Variants in MAP3K7 observed in about 807,000 individuals in gnomAD.
MAP3K7 encodes the protein mitogen-activated protein kinase kinase kinase 7.
A neutral mutation model predicts 84.8 loss-of-function variants in MAP3K7; 21 were observed. The ratio of observed to expected loss-of-function variants is 0.25; its 90% CI spans 0.18 to 0.36. The LOEUF (loss-of-function observed/expected upper bound fraction) is 0.36. MAP3K7 is among the 10% of genes least tolerant of loss of function. The probability of loss-of-function intolerance (pLI) is 1.00; values close to 1 mark genes in which losing one functional copy is unlikely to be tolerated. For missense variants in MAP3K7, 503 were observed against 747.7 expected, an observed-to-expected ratio of 0.67 and a Z score of 3.82; for synonymous variants, 241 against 247.7, an observed-to-expected ratio of 0.97 and a Z score of 0.25.
At position 90,552,128 on chromosome 6, in the gene MAP3K7, A is replaced by T. The variant is rs754695346; in HGVS notation, c.788T>A (p.Met263Lys). The change falls in exon 8 of 17, where the codon ATG becomes AAG. Residue 263 changes from methionine to lysine, a missense_variant. Coordinates refer to ENST00000369329, the MANE Select transcript of MAP3K7 (RefSeq NM_145331.3). The part of the protein sequence containing the change: ...KNLPKPIESL[M>K]TRCWSKDPSQ... ...AGGATCTTTAGACCAACAACGAGTC[A>T]TCAGGCTCTCAATGGGCTTAGGTAA... 3 of 1,613,134 alleles carry T rather than the reference A, an allele frequency of 1.9e-6. No homozygotes were observed. The Admixed American group carries it at 5.0e-5, about 27-fold the overall frequency.
chr6:90,557,283 G>A (rs1044167207), intron 5 of MAP3K7, among the ~76,000 whole-genome samples: 14 of 152,062 alleles, frequency 9.2e-5, no homozygotes, highest in Non-Finnish European at 1.5e-4. Context: ...TACTTACAAG[G>A]TTTTGCTTTT....
At chr6:90,572,915 C>T (rs1416591778) in intron 1 of MAP3K7, among the ~76,000 whole-genome samples, 2 of 152,144 alleles carry the variant, frequency 1.3e-5, no homozygotes, top group Admixed American at 1.3e-4. Context: ...CTTAGTTAAG[C>T]ACCACCTACT....
rs1320271362 is a variant in MAP3K7, at chr6:90,571,757, T to G, written c.171A>C (p.Ala57=). The G allele has an allele frequency of 6.2e-7, 1 of 1,607,484 alleles. No homozygotes were observed. Among genetic ancestry groups the G allele is most frequent in the Non-Finnish European group, 8.5e-7 (1 of 1,177,220 alleles). ...CTATTTGTTTAATAGCAACATCTTT[T>G]GCTCTCCACTTAGCTTTGCAAACAA... The part of the protein sequence containing the change: ...FGVVCKAKWR[A]KDVAIKQIES... The change falls in exon 2 of 17, where the codon GCA becomes GCC. Residue 57 remains alanine (A), a synonymous_variant. Transcript: ENST00000369329.
At chr6:90,565,469 T>C (rs1334938811) in intron 3 of MAP3K7, among the ~76,000 whole-genome samples, 1 of 151,890 alleles carries the variant, frequency 6.6e-6, no homozygotes, top group Non-Finnish European at 1.5e-5. Context: ...CTAGAAGAAA[T>C]GGATAAATTA....
At chr6:90,576,849 G>A (rs1777100858) in intron 1 of MAP3K7, among the ~76,000 whole-genome samples, 1 of 152,166 alleles carries the variant, frequency 6.6e-6, no homozygotes, top group African/African-American at 2.4e-5. Flanking sequence ...AGTGGAGGAA[G>A]GGAAGAGTGA....
intron 1 of MAP3K7, among the ~76,000 whole-genome samples, chr6:90,579,551 T>C (rs1249438873): frequency 1.3e-5 from 2 of 152,232 alleles, no homozygotes; most frequent in East Asian, 3.8e-4. Context: ...AAACTGCCTT[T>C]GAGACTAAGG....
intron 13 of MAP3K7, among the ~76,000 whole-genome samples, chr6:90,525,780 T>C (rs1431207167): frequency 2.0e-5 from 3 of 152,010 alleles, no homozygotes; most frequent in Admixed American, 6.6e-5. Flanking sequence ...GTTCCCAGGC[T>C]GGTCTCTACC....
intron 1 of MAP3K7, among the ~76,000 whole-genome samples, chr6:90,583,601 T>C (rs1455402594): frequency 2.0e-5 from 3 of 152,218 alleles, no homozygotes; most frequent in Admixed American, 2.0e-4. Flanking sequence ...AAAACATGAA[T>C]GTGTTTTCAT....
At chr6:90,567,760 A>C (rs1406698621) in intron 3 of MAP3K7, among the ~76,000 whole-genome samples, 1 of 152,244 alleles carries the variant, frequency 6.6e-6, no homozygotes. Flanking sequence ...AGACACATGG[A>C]CACGTATGTT....
At chr6:90,550,679 C>CGTA in intron 8 of MAP3K7, 130 bp from the exon 9 acceptor site, 1 of 560,466 alleles carries the variant, frequency 1.8e-6, no homozygotes, top group South Asian at 2.5e-5. Context: ...ACAAAGATTA[C>CGTA]AATAATGTAC....
chr6:90,581,163 A>C (rs1777257596), intron 1 of MAP3K7, among the ~76,000 whole-genome samples: 1 of 152,232 alleles, frequency 6.6e-6, no homozygotes. Context: ...CCTTCAGACA[A>C]GTCATGTTAA....
In MAP3K7 at chr6:90,529,948, T is replaced by C. The variant is rs183094120; in HGVS notation, c.1357-6165A>G. 2.0e-5 allele frequency among the ~76,000 whole-genome samples: 3 copies of C among 152,332 alleles called. No homozygotes were observed. In the East Asian group the frequency reaches 5.8e-4, roughly 29 times the overall value. On this transcript the variant is annotated intron_variant, in intron 13 of 16. Transcript: ENST00000369329. ...TCAGATACAAGATTGGTGCTTAAGC[T>C]TATTTACCTTTAGTATATAAGAATA... is the stretch of plus-strand genomic sequence containing the variant.
intron 12 of MAP3K7, among the ~76,000 whole-genome samples, chr6:90,539,799 T>G (rs533074123): frequency 6.6e-6 from 1 of 151,910 alleles, no homozygotes; most frequent in East Asian, 1.9e-4. Context: ...ATACCTGACA[T>G]TTGAAACTTC....
rs34772840 is a variant in MAP3K7, at chr6:90,553,895, T to C, written c.608-309A>G. Among the ~76,000 whole-genome samples, 3,120 of 152,292 alleles carry C rather than the reference T, an allele frequency of 0.02. 115 individuals carry two copies. The highest frequency in any genetic ancestry group is 0.071 in the African/African-American group (2,969 of 41,550). ...TTTATGTATTTAGACTGATACTTTC[T>C]CTGGGGCAGAGTATGAAACATCTGT... On this transcript the variant is annotated intron_variant, in intron 6 of 16. Transcript: ENST00000369329.
chr6:90,584,769 T>C (rs926250028), intron 1 of MAP3K7, among the ~76,000 whole-genome samples: 1 of 152,180 alleles, frequency 6.6e-6, no homozygotes, highest in East Asian at 1.9e-4. Context: ...ATATAACAAT[T>C]TGTAGTCTAC....
intron 4 of MAP3K7, among the ~76,000 whole-genome samples, chr6:90,561,304 G>C (rs1415423288): frequency 6.6e-6 from 1 of 151,274 alleles, no homozygotes; most frequent in Non-Finnish European, 1.5e-5. Flanking sequence ...AAATGAGGAG[G>C]CTCAAAGTTA....
At chr6:90,547,073 C>T (rs183969276) in intron 11 of MAP3K7, among the ~76,000 whole-genome samples, 185 bp downstream of exon 11, 20 of 152,166 alleles carry the variant, frequency 1.3e-4, no homozygotes, top group East Asian at 9.7e-4. Flanking sequence ...GTCATACCTT[C>T]CTTATTTGGA....
chr6:90,569,733 C>T (rs891903676), intron 2 of MAP3K7, among the ~76,000 whole-genome samples: 13 of 152,132 alleles, frequency 8.5e-5, no homozygotes, highest in African/African-American at 3.1e-4. Context: ...TCTGCCATTC[C>T]CAAAGTTCTG....
At chr6:90,585,885 C>T (rs1777429656) in intron 1 of MAP3K7, among the ~76,000 whole-genome samples, 1 of 152,122 alleles carries the variant, frequency 6.6e-6, no homozygotes, top group Admixed American at 6.5e-5. Context: ...CTACATTAGC[C>T]CAACTGAAAG....
Sources: allele counts gnomAD v4.1 joint callset (sites outside exome capture counted in the v4.1 genomes callset), GRCh38; gene constraint gnomAD v4.1.1; transcripts MANE v1.5; gene names NCBI Gene and HGNC (gene_info 2026-07-23, HGNC 2026-07-21).